Variants in ADGRA3 observed in about 807,000 individuals in gnomAD.
The protein encoded by ADGRA3 is adhesion G protein-coupled receptor A3, also known as G-protein coupled receptor 125.
In ADGRA3, 56 loss-of-function variants were observed where a neutral mutation model predicts 119.8. That is an observed-to-expected ratio of 0.47 (90% CI 0.38 to 0.58). The LOEUF (loss-of-function observed/expected upper bound fraction) is 0.58, where lower values mean the gene tolerates loss of function less well. ADGRA3 is among the 20% of genes least tolerant of loss of function. The pLI, the probability that ADGRA3 is intolerant of heterozygous loss-of-function variation, is 0.00. For missense variants in ADGRA3, 1,516 were observed against 1,649.0 expected (o/e 0.92, Z 1.40); for synonymous variants, 607 against 623.8 (o/e 0.97, Z 0.40).
chr4:22,475,003 T>G (rs2109123397), intron 1 of ADGRA3, among the ~76,000 whole-genome samples: 1 of 152,360 alleles, frequency 6.6e-6, no homozygotes, highest in Middle Eastern at 3.4e-3. Flanking sequence ...ATTCCTGGTA[T>G]TAATACAAAA....
chr4:22,443,409 A>G (rs1716701302), intron 6 of ADGRA3, among the ~76,000 whole-genome samples: 1 of 152,160 alleles, frequency 6.6e-6, no homozygotes, highest in Non-Finnish European at 1.5e-5. Flanking sequence ...TATATGTACA[A>G]AAATGTACAC....
At chr4:22,408,276 A>G (rs968913324) in intron 14 of ADGRA3, among the ~76,000 whole-genome samples, 3 of 151,998 alleles carry the variant, frequency 2.0e-5, no homozygotes, top group African/African-American at 7.2e-5. Context: ...ATTAACTAAA[A>G]CAACAACAAC....
At chr4:22,492,566 A>G (rs764194113) in intron 1 of ADGRA3, among the ~76,000 whole-genome samples, 2 of 152,230 alleles carry the variant, frequency 1.3e-5, no homozygotes, top group Non-Finnish European at 2.9e-5. Context: ...AAAATAAATA[A>G]GCAAAACACA....
intron 6 of ADGRA3, chr4:22,443,162 G>C (rs975212802): frequency 8.1e-5 from 52 of 641,230 alleles, no homozygotes; most frequent in Non-Finnish European, 9.3e-5. Context: ...CTGTGCTCTA[G>C]AAAATGGCAT....
intron 11 of ADGRA3, among the ~76,000 whole-genome samples, chr4:22,423,344 T>C (rs920143796): frequency 2.0e-4 from 31 of 152,000 alleles, no homozygotes; most frequent in Admixed American, 2.6e-4. Flanking sequence ...TGGTAACATC[T>C]AAAAAAGGTC....
chr4:22,515,445 C>T (rs1023274597), intron 1 of ADGRA3, 83 bp downstream of exon 1: 4 of 1,497,942 alleles, frequency 2.7e-6, no homozygotes, highest in Non-Finnish European at 3.6e-6. Context: ...GCGTGGGTGC[C>T]GGCTGGACCC....
At position 22,431,936 on chromosome 4, in the gene ADGRA3, A is replaced by C. The variant is rs1371568084; in HGVS notation, c.1443+3375T>G. On this transcript the variant is annotated intron_variant, in intron 10 of 18. Transcript: ENST00000334304. ...ATAAGTTTTACTTACATCAATTAGC[A>C]TATGGTCAATTTGGTTTCATTACAT... Among the ~76,000 whole-genome samples the C allele has an allele frequency of 3.9e-5, 6 of 152,146 alleles. No individual in the cohort carries two copies. In the South Asian group the frequency reaches 1.0e-3, roughly 26 times the overall value.
chr4:22,468,816 T>C (rs892072688), intron 2 of ADGRA3, among the ~76,000 whole-genome samples: 3 of 150,950 alleles, frequency 2.0e-5, no homozygotes, highest in African/African-American at 7.3e-5. Context: ...AGGAAGGCTA[T>C]AGACTAGTGA....
intron 1 of ADGRA3, among the ~76,000 whole-genome samples, chr4:22,505,082 T>C (rs1719190338): frequency 6.6e-6 from 1 of 152,158 alleles, no homozygotes; most frequent in African/African-American, 2.4e-5. Flanking sequence ...GGAGCATCCT[T>C]CACCATTTCA....
intron 4 of ADGRA3, 71 bp downstream of exon 4, chr4:22,454,795 G>C: frequency 8.9e-7 from 1 of 1,121,756 alleles, no homozygotes; most frequent in Non-Finnish European, 1.4e-6. Flanking sequence ...AAATACATAA[G>C]TTTCATACAT....
At chr4:22,414,940 A>C (rs539350032) in intron 12 of ADGRA3, among the ~76,000 whole-genome samples, 11 of 152,148 alleles carry the variant, frequency 7.2e-5, no homozygotes, top group Non-Finnish European at 1.2e-4. Context: ...CAGGGGGAAG[A>C]CTTTATACAG....
At position 22,453,216 on chromosome 4, in the gene ADGRA3, A is replaced by G. The variant is rs113847219; in HGVS notation, c.473+1650T>C. Among the ~76,000 whole-genome samples the G allele has an allele frequency of 1.3e-3, 181 of 137,250 alleles. 27 individuals carry two copies. The highest frequency in any genetic ancestry group is 3.9e-3 in the Middle Eastern group (1 of 254). 90.0% of individuals were successfully genotyped at this position (137,250 alleles called of 152,430 possible). A position where few individuals can be genotyped will look rare whatever the true frequency, so the allele number is the denominator to read the frequency against. ...ACTCCATCTCAAAAAAAAAAAAAAA[A>G]AGAAAGAAAAAGTAAAAATACAAAA... On this transcript the variant is annotated intron_variant, in intron 4 of 18. Coordinates refer to ENST00000334304, the MANE Select transcript of ADGRA3 (RefSeq NM_145290.4).
chr4:22,480,446 G>C lies in ADGRA3; in HGVS notation c.258-6603C>G, dbSNP rs1365927833. On this transcript the variant is annotated intron_variant, in intron 1 of 18. Transcript: ENST00000334304. ...CCCAGCTACTCAGGAGGTGAAGGTG[G>C]GAGGATTGCTTGAGCCCAGAAGTTC... Among the ~76,000 whole-genome samples the C allele has an allele frequency of 2.0e-5, 3 of 152,056 alleles. No homozygotes were observed. The East Asian group carries it at 5.8e-4, about 29-fold the overall frequency.
chr4:22,447,521 A>C lies in ADGRA3; in HGVS notation c.474-10T>G. 6.7e-7 allele frequency: 1 copy of C among 1,496,934 alleles called. No homozygotes were observed. The highest frequency in any genetic ancestry group is 9.1e-7 in the Non-Finnish European group (1 of 1,101,798). The allele number at this position is 1,496,934 out of a possible 1,614,324, so 92.7% of individuals were successfully genotyped here. A position where few individuals can be genotyped will look rare whatever the true frequency, so the allele number is the denominator to read the frequency against. On this transcript the variant is annotated splice_polypyrimidine_tract_variant and intron_variant, in intron 4 of 18. Coordinates refer to ENST00000334304, the MANE Select transcript of ADGRA3 (RefSeq NM_145290.4). ...ATTCCCCGAAAGGTTTCTGAAAGAC[A>C]GAAAACAATTTCACTTTTAAAAATA...
intron 1 of ADGRA3, among the ~76,000 whole-genome samples, chr4:22,495,011 ATAAC>A (rs1296392860): frequency 6.6e-6 from 1 of 152,030 alleles, no homozygotes; most frequent in African/African-American, 2.4e-5. Context: ...ATTAAAAACA[ATAAC>A]TAAATAACAA....
At chr4:22,492,944 C>T (rs1055639957) in intron 1 of ADGRA3, among the ~76,000 whole-genome samples, 19 of 152,108 alleles carry the variant, frequency 1.2e-4, no homozygotes, top group African/African-American at 4.3e-4. Flanking sequence ...CTACTGTTAC[C>T]AGCTTTTTAA....
intron 6 of ADGRA3, among the ~76,000 whole-genome samples, chr4:22,443,822 T>G (rs1464916754): frequency 6.6e-6 from 1 of 152,206 alleles, no homozygotes; most frequent in Non-Finnish European, 1.5e-5. Context: ...ACATGGTCTT[T>G]GTTTCTCTGC....
At chr4:22,423,966 T>G (rs1376614898) in intron 11 of ADGRA3, among the ~76,000 whole-genome samples, 3 of 152,060 alleles carry the variant, frequency 2.0e-5, no homozygotes, top group Admixed American at 2.0e-4. Context: ...TAGAAGAAAT[T>G]CTGTAATAAC....
intron 1 of ADGRA3, among the ~76,000 whole-genome samples, chr4:22,479,482 G>A (rs1418047330): frequency 6.2e-5 from 9 of 144,282 alleles, no homozygotes; most frequent in South Asian, 2.3e-4. Flanking sequence ...AAAAAAAAAA[G>A]AAGTCAGGAA....
Sources: gnomAD v4.1 joint callset for allele counts (sites outside exome capture counted in the v4.1 genomes callset) on GRCh38, gnomAD v4.1.1 for gene constraint, MANE v1.5 for transcripts, NCBI Gene and HGNC (gene_info 2026-07-23, HGNC 2026-07-21) for gene names.